The following MLLT3 variants were observed in gnomAD, a reference collection of about 807,000 sequenced individuals.
MLLT3 encodes the protein MLLT3 super elongation complex subunit, also known as protein AF-9.
Under a neutral mutation model 53.2 loss-of-function variants are expected in MLLT3, and 4 were observed. The observed-to-expected ratio is 0.08, with a 90% confidence interval of 0.04 to 0.17. The LOEUF is 0.17. Among genes scored for constraint, MLLT3 ranks in the 10% least tolerant of loss-of-function variants. The pLI is 1.00. For synonymous variants in MLLT3, 283 were observed against 230.6 expected, an observed-to-expected ratio of 1.23 and a Z score of -2.06; for missense variants, 569 against 684.0, an observed-to-expected ratio of 0.83 and a Z score of 1.87.
At chr9:20,488,501 A>T (rs2118917687) in intron 2 of MLLT3, among the ~76,000 whole-genome samples, 1 of 152,332 alleles carries the variant, frequency 6.6e-6, no homozygotes, top group Admixed American at 6.5e-5. Flanking sequence ...ACTTTAAATA[A>T]AGAGTGCGAA....
intron 2 of MLLT3, among the ~76,000 whole-genome samples, chr9:20,593,231 A>G (rs1563834873): frequency 6.6e-6 from 1 of 152,062 alleles, no homozygotes; most frequent in Non-Finnish European, 1.5e-5. Flanking sequence ...TTCCCTTGGA[A>G]CCACCTCCTC....
chr9:20,591,180 T>A (rs994189330), intron 2 of MLLT3, among the ~76,000 whole-genome samples: 1 of 152,220 alleles, frequency 6.6e-6, no homozygotes, highest in African/African-American at 2.4e-5. Flanking sequence ...TTTATTGTTC[T>A]CTCCAATTTA....
chr9:20,550,429 G>A (rs182310240), intron 2 of MLLT3, among the ~76,000 whole-genome samples: 1 of 152,124 alleles, frequency 6.6e-6, no homozygotes, highest in East Asian at 1.9e-4. Context: ...CTGTGTGTGT[G>A]TGTTGTTGTT....
chr9:20,490,223 G>T (rs1406103542), intron 2 of MLLT3, among the ~76,000 whole-genome samples: 1 of 152,168 alleles, frequency 6.6e-6, no homozygotes, highest in Non-Finnish European at 1.5e-5. Context: ...CTATTGTGAA[G>T]GGATTCTGCA....
intron 4 of MLLT3, among the ~76,000 whole-genome samples, chr9:20,420,626 G>A (rs925754863): frequency 6.6e-6 from 1 of 152,104 alleles, no homozygotes; most frequent in African/African-American, 2.4e-5. Context: ...AAAACACAAT[G>A]AGTACAGACA....
At chr9:20,470,549 C>T (rs1460785831) in intron 2 of MLLT3, among the ~76,000 whole-genome samples, 1 of 151,954 alleles carries the variant, frequency 6.6e-6, no homozygotes, top group African/African-American at 2.4e-5. Flanking sequence ...GGAGTAAATA[C>T]AATCAACCAG....
intron 4 of MLLT3, chr9:20,415,410 G>A: frequency 9.8e-6 from 9 of 916,938 alleles, no homozygotes; most frequent in Non-Finnish European, 1.2e-5. Flanking sequence ...TTTCTGTTTA[G>A]GAACAAAATC....
Position 20,353,552 on chromosome 9 carries a change from T to C in MLLT3, c.1548A>G (p.Thr516=), listed in dbSNP as rs1175518895. The part of the protein sequence containing the change: ...ELVELHRRLM[T]LRERHILQQI... The stretch of plus-strand genomic sequence containing the variant: ...GCTGCAGAATGTGTCTTTCTCTCAA[T>C]GTCATTAACCTTCTGTGAAGCTCTA... The change falls in exon 10 of 11, where the codon ACA becomes ACG. Residue 516 remains threonine (T), a synonymous_variant. Transcript: ENST00000380338. 1.2e-6 allele frequency: 2 copies of C among 1,614,120 alleles called. No homozygotes were observed. The highest frequency in any genetic ancestry group is 4.5e-5 in the East Asian group (2 of 44,894).
Position 20,621,627 on chromosome 9 carries a change from T to G in MLLT3, c.12+618A>C. On this transcript the variant is annotated intron_variant, in intron 1 of 10. Coordinates refer to ENST00000380338, the MANE Select transcript of MLLT3 (RefSeq NM_004529.4). This position sits in a 1 kb window ranked among gnomAD's most constrained non-coding sequence, Gnocchi z 7.0. ...TCCCACCTCCCCCCAAAAAATGAAATTCAGAAAGGCAGGGCGGCGGGCGGA... is the reference window on the plus strand; with the variant it reads ...TCCCACCTCCCCCCAAAAAATGAAAGTCAGAAAGGCAGGGCGGCGGGCGGA... The G allele has an allele frequency of 2.7e-6, 2 of 753,246 alleles. No homozygotes were observed. The highest frequency in any genetic ancestry group is 3.9e-5 in the Admixed American group (1 of 25,540). 46.7% of individuals were successfully genotyped at this position (753,246 alleles called of 1,614,324 possible).
chr9:20,515,442 C>T (rs957012844), intron 2 of MLLT3, among the ~76,000 whole-genome samples: 1 of 152,096 alleles, frequency 6.6e-6, no homozygotes, highest in Non-Finnish European at 1.5e-5. Flanking sequence ...AGTTCCTTTT[C>T]TTTCCCTCTT....
intron 5 of MLLT3, among the ~76,000 whole-genome samples, chr9:20,395,573 A>C (rs915354510): frequency 7.2e-5 from 11 of 152,134 alleles, no homozygotes; most frequent in African/African-American, 1.9e-4. Context: ...TTTGCCTTTC[A>C]TGTTGGCTAT....
At chr9:20,365,934 C>A (rs1821438770) in intron 5 of MLLT3, among the ~76,000 whole-genome samples, 190 bp from the exon 6 acceptor site, 1 of 152,112 alleles carries the variant, frequency 6.6e-6, no homozygotes, top group Non-Finnish European at 1.5e-5. Flanking sequence ...GATGCAGAAA[C>A]AAGTATAAAA....
At chr9:20,610,079 G>T (rs989855835) in intron 2 of MLLT3, among the ~76,000 whole-genome samples, 8 of 152,034 alleles carry the variant, frequency 5.3e-5, no homozygotes, top group African/African-American at 1.9e-4. Context: ...TATTTTCAGA[G>T]CTGCAAAAGC....
intron 5 of MLLT3, among the ~76,000 whole-genome samples, chr9:20,381,519 T>C: frequency 6.6e-6 from 1 of 151,944 alleles, no homozygotes; most frequent in East Asian, 1.9e-4. Context: ...TATTAGATTA[T>C]ATTTGCCATG....
chr9:20,456,418 T>C (rs534734110), intron 3 of MLLT3, among the ~76,000 whole-genome samples: 1 of 152,348 alleles, frequency 6.6e-6, no homozygotes, highest in East Asian at 1.9e-4. Context: ...TCTTCTTTTC[T>C]ATTTTACAAA....
intron 2 of MLLT3, among the ~76,000 whole-genome samples, chr9:20,534,829 T>C (rs925218243): frequency 1.3e-5 from 2 of 151,982 alleles, no homozygotes; most frequent in African/African-American, 4.8e-5. Context: ...GAGCTTGCAG[T>C]GAGCTGAGAT....
At position 20,435,762 on chromosome 9, in the gene MLLT3, T is replaced by A. The variant is rs553397292; in HGVS notation, c.420+12361A>T. Among the ~76,000 whole-genome samples, 13 of 152,262 alleles carry A rather than the reference T, an allele frequency of 8.5e-5. No individual in the cohort carries two copies. The East Asian group carries it at 2.5e-3, about 29-fold the overall frequency. On this transcript the variant is annotated intron_variant, in intron 4 of 10. Transcript: ENST00000380338. ...ATTAGTTTTGTATAGGGAACTTCAATCTATGAAGCAGAAACAAAAGAATAA... is the reference window on the plus strand; with the variant it reads ...ATTAGTTTTGTATAGGGAACTTCAAACTATGAAGCAGAAACAAAAGAATAA...
intron 5 of MLLT3, chr9:20,411,182 G>A (rs987949614): frequency 3.9e-5 from 6 of 152,462 alleles, no homozygotes; most frequent in African/African-American, 1.4e-4. Context: ...GAGAGCACTA[G>A]CAGTCCATAG....
intron 2 of MLLT3, among the ~76,000 whole-genome samples, chr9:20,610,804 G>T (rs1820682601): frequency 6.6e-6 from 1 of 152,134 alleles, no homozygotes; most frequent in Non-Finnish European, 1.5e-5. Context: ...AATGAGGGAA[G>T]TTAGCTTCCA....
Sources: allele counts gnomAD v4.1 joint callset (sites outside exome capture counted in the v4.1 genomes callset), GRCh38; gene constraint gnomAD v4.1.1; non-coding constraint Gnocchi (gnomAD v3.1); transcripts MANE v1.5; gene names NCBI Gene and HGNC (gene_info 2026-07-23, HGNC 2026-07-21).